TCF20: variants seen among roughly 807,000 people sequenced by gnomAD.
The protein encoded by TCF20 is transcription factor 20.
TCF20 carries 3 observed loss-of-function variants against 148.6 expected under a neutral mutation model. That is an observed-to-expected ratio of 0.02 (90% CI 0.01 to 0.05). The LOEUF (loss-of-function observed/expected upper bound fraction) is 0.05. TCF20 is among the 10% of genes least tolerant of loss of function. The pLI is 1.00. For synonymous variants in TCF20, 1,049 were observed against 909.5 expected (o/e 1.15, Z -2.76); for missense variants, 2,350 against 2,429.3 (o/e 0.97, Z 0.69).
intron 5 of TCF20, among the ~76,000 whole-genome samples, chr22:42,166,831 C>T (rs566478311): frequency 6.6e-6 from 1 of 152,288 alleles, no homozygotes; most frequent in South Asian, 2.1e-4. Context: ...CAGGAATACG[C>T]ATCGTGGTCC....
chr22:42,170,317 G>GT (rs1250163871), intron 3 of TCF20, among the ~76,000 whole-genome samples: 1 of 147,884 alleles, frequency 6.8e-6, no homozygotes, highest in African/African-American at 2.5e-5. Flanking sequence ...GGGCAACACA[G>GT]TGAGATCCTG....
intron 1 of TCF20, among the ~76,000 whole-genome samples, chr22:42,223,286 G>A (rs906361810): frequency 6.6e-6 from 1 of 152,176 alleles, no homozygotes; most frequent in African/African-American, 2.4e-5. Flanking sequence ...TTTTCCAAAA[G>A]TCACTCCTCT....
chr22:42,323,978 TGGA>T (rs1927803975), intron 1 of TCF20, among the ~76,000 whole-genome samples: 5 of 128,998 alleles, frequency 3.9e-5, no homozygotes, highest in Non-Finnish European at 1.6e-5. Context: ...ATGGTGGTGG[TGGA>T]GGTTATGGTG....
intron 1 of TCF20, among the ~76,000 whole-genome samples, chr22:42,314,090 CA>C (rs1927586621): frequency 6.6e-6 from 1 of 152,228 alleles, no homozygotes; most frequent in African/African-American, 2.4e-5. Context: ...AAGGCAGATA[CA>C]GGCTCAGCAG....
intron 2 of TCF20, among the ~76,000 whole-genome samples, chr22:42,205,130 C>T (rs1337662072): frequency 2.0e-5 from 3 of 152,168 alleles, no homozygotes; most frequent in Non-Finnish European, 4.4e-5. Flanking sequence ...ATATCCATAC[C>T]CATTCAGAGG....
At chr22:42,307,905 C>T (rs774679487) in intron 1 of TCF20, among the ~76,000 whole-genome samples, 8 of 152,232 alleles carry the variant, frequency 5.3e-5, no homozygotes, top group Non-Finnish European at 1.0e-4. Context: ...CTTCGGAAGA[C>T]GAACTTCGAG....
At chr22:42,173,284 A>ACCC (rs371502466) in intron 3 of TCF20, among the ~76,000 whole-genome samples, 3 of 149,948 alleles carry the variant, frequency 2.0e-5, no homozygotes, top group African/African-American at 7.4e-5. Flanking sequence ...TATTACTGTA[A>ACCC]CCCCCCCCAC....
chr22:42,217,483 A>ACTGT (rs1017743517), intron 1 of TCF20, among the ~76,000 whole-genome samples: 16 of 152,156 alleles, frequency 1.1e-4, no homozygotes, highest in African/African-American at 3.9e-4. Flanking sequence ...CTACTTGTTT[A>ACTGT]CTGTCTGTCT....
chr22:42,199,638 G>T (rs1465868836), intron 2 of TCF20, among the ~76,000 whole-genome samples: 3 of 141,192 alleles, frequency 2.1e-5, no homozygotes, highest in African/African-American at 8.3e-5. Flanking sequence ...GGGAGGCCAA[G>T]GCAAGTGGAT....
intron 1 of TCF20, among the ~76,000 whole-genome samples, chr22:42,228,984 T>A (rs1377822117): frequency 6.6e-6 from 1 of 152,234 alleles, no homozygotes; most frequent in East Asian, 1.9e-4. Flanking sequence ...CGGTGTAGTG[T>A]GTTTGTACTT....
intron 3 of TCF20, among the ~76,000 whole-genome samples, chr22:42,171,792 TG>T (rs1308351131): frequency 6.6e-6 from 1 of 152,156 alleles, no homozygotes; most frequent in African/African-American, 2.4e-5. Flanking sequence ...GTCTCTAGTT[TG>T]GGCCAAACAG....
At chr22:42,220,392 C>T (rs889836000) in intron 1 of TCF20, among the ~76,000 whole-genome samples, 1 of 152,188 alleles carries the variant, frequency 6.6e-6, no homozygotes, top group Non-Finnish European at 1.5e-5. Context: ...GAGACAGAGT[C>T]TCACTGTGCT....
At chr22:42,323,192 A>G (rs1241102144) in intron 1 of TCF20, among the ~76,000 whole-genome samples, 1 of 151,376 alleles carries the variant, frequency 6.6e-6, no homozygotes, top group Non-Finnish European at 1.5e-5. Context: ...GTGAGCCACC[A>G]CGCCCAGCCC....
intron 2 of TCF20, among the ~76,000 whole-genome samples, chr22:42,194,420 A>G (rs1007864381): frequency 6.6e-6 from 1 of 152,250 alleles, no homozygotes; most frequent in Admixed American, 6.5e-5. Flanking sequence ...AAACATTAGT[A>G]GTTGATACAG....
At chr22:42,329,003 A>T (rs1275784359) in intron 1 of TCF20, among the ~76,000 whole-genome samples, 1 of 152,200 alleles carries the variant, frequency 6.6e-6, no homozygotes, top group Non-Finnish European at 1.5e-5. Context: ...CTCTGTCCAC[A>T]TGGGTCTCCC....
At chr22:42,327,462 G>C (rs1222811135) in intron 1 of TCF20, among the ~76,000 whole-genome samples, 1 of 152,162 alleles carries the variant, frequency 6.6e-6, no homozygotes, top group African/African-American at 2.4e-5. Flanking sequence ...CTGCAGCTGG[G>C]CCCAAAGGGT....
At chr22:42,310,414 AT>A (rs1927512253) in intron 1 of TCF20, among the ~76,000 whole-genome samples, 1 of 129,100 alleles carries the variant, frequency 7.7e-6, no homozygotes, top group Non-Finnish European at 1.6e-5. Context: ...CAAATAACCC[AT>A]TGATGCCAGC....
chr22:42,290,864 G>C lies in TCF20; in HGVS notation c.-37+52615C>G, dbSNP rs1708537000. Reference sequence around the variant, plus strand: ...CTGGTCCACTGAAGACCCTAGAACAGTGCTGGGAGGACTCACATCTTCAGG... The same window carrying C: ...CTGGTCCACTGAAGACCCTAGAACACTGCTGGGAGGACTCACATCTTCAGG... On this transcript the variant is annotated intron_variant, in intron 1 of 1. Transcript: ENST00000515426. This position sits in a 1 kb window ranked among gnomAD's most constrained non-coding sequence, Gnocchi z 4.2. Among the ~76,000 whole-genome samples, 1 of 152,224 alleles carries C rather than the reference G, an allele frequency of 6.6e-6. No homozygotes were observed. The highest frequency in any genetic ancestry group is 6.5e-5 in the Admixed American group (1 of 15,290).
In TCF20 at chr22:42,254,076, CAAA is replaced by C. The variant is rs528387021; in HGVS notation, c.-37+16260_-37+16262del. 5.9e-3 allele frequency among the ~76,000 whole-genome samples: 316 copies of C among 53,582 alleles called. 1 individual carries two copies. Among genetic ancestry groups the C allele is most frequent in the African/African-American group, 0.017 (294 of 17,544 alleles). 35.2% of individuals were successfully genotyped at this position (53,582 alleles called of 152,430 possible). On this transcript the variant is annotated intron_variant, in intron 1 of 5. Transcript: ENST00000677622. The stretch of plus-strand genomic sequence containing the variant: ...GGGCAACAAGAGCAAAACTCCCTTT[CAAA>C]AAAAAAAAAAAAAAAAAAAAGTAAC...
Sources: allele counts gnomAD v4.1 joint callset (sites outside exome capture counted in the v4.1 genomes callset), GRCh38; gene constraint gnomAD v4.1.1; non-coding constraint Gnocchi (gnomAD v3.1); transcripts MANE v1.5; gene names NCBI Gene and HGNC (gene_info 2026-07-23, HGNC 2026-07-21).